GEM: variants seen among roughly 807,000 people sequenced by gnomAD.
GEM encodes GTP binding protein overexpressed in skeletal muscle.
GEM carries 31 observed loss-of-function variants against 33.0 expected under a neutral mutation model. That is an observed-to-expected ratio of 0.94 (90% CI 0.71 to 1.27). The LOEUF (loss-of-function observed/expected upper bound fraction) is 1.27. GEM is among the 50% of genes most tolerant of loss of function. GEM has a pLI of 0.00. For synonymous variants in GEM, 141 were observed against 143.7 expected (o/e 0.98, Z 0.13); for missense variants, 354 against 390.5 (o/e 0.91, Z 0.79).
Position 94,250,555 on chromosome 8 carries a change from T to C in GEM, c.646A>G (p.Lys216Glu). Reference protein sequence around the residue: ...GRACAVVFDCKFIETSAAVQH... With the variant: ...GRACAVVFDCEFIETSAAVQH... Reference sequence around the variant, plus strand: ...ACAGCTGCAGAGGTCTCGATGAACTTGCAGTCAAACACCACTGCACAGGCT... The same window carrying C: ...ACAGCTGCAGAGGTCTCGATGAACTCGCAGTCAAACACCACTGCACAGGCT... The change falls in exon 5 of 5, where the codon AAG becomes GAG. Residue 216 changes from lysine (K) to glutamate (E), a missense_variant. Physicochemically the swap from Lys to Glu is moderately conservative, Grantham distance 56. Coordinates refer to ENST00000297596, the MANE Select transcript of GEM (RefSeq NM_005261.4). 1 of 1,614,118 alleles carries C rather than the reference T, an allele frequency of 6.2e-7. No individual in the cohort carries two copies. The highest frequency in any genetic ancestry group is 8.5e-7 in the Non-Finnish European group (1 of 1,179,948).
Position 94,252,122 on chromosome 8 carries a change from C to A in GEM, c.510G>T (p.Glu170Asp). The A allele has an allele frequency of 6.2e-7, 1 of 1,613,852 alleles. No homozygotes were observed. The change falls in exon 4 of 5, where the codon GAG becomes GAT. Residue 170 changes from glutamate to aspartate, a missense_variant. Coordinates refer to ENST00000297596, the MANE Select transcript of GEM (RefSeq NM_005261.4). ...TDRASFEKAS[E>D]LRIQLRRARQ... ...GGGCCCTGCGGAGCTGGATTCGCAG[C>A]TCAGATGCCTTCTCGAAGCTCGCTC...
In GEM at chr8:94,253,057, G is replaced by T; in HGVS notation, c.387C>A (p.Leu129=). The T allele has an allele frequency of 6.3e-7, 1 of 1,589,552 alleles. No individual in the cohort carries two copies. Among genetic ancestry groups the T allele is most frequent in the South Asian group, 1.1e-5 (1 of 90,498 alleles). The stretch of plus-strand genomic sequence containing the variant: ...ATACCTTATTTTCCCACATATCCAG[G>T]AGTATAATCGTTGCACTTTCCCCAT... The part of the protein sequence containing the change: ...MVDGESATII[L]LDMWENKGEN... The change falls in exon 3 of 5, where the codon CTC becomes CTA. Residue 129 remains leucine (L), a synonymous_variant. Coordinates refer to ENST00000297596, the MANE Select transcript of GEM (RefSeq NM_005261.4).
Position 94,250,559 on chromosome 8 carries a change from G to A in GEM, c.642C>T (p.Asp214=), listed in dbSNP as rs1447464027. The change falls in exon 5 of 5, where the codon GAC becomes GAT. Residue 214 remains aspartate, a synonymous_variant. Transcript: ENST00000297596. ...SEGRACAVVF[D]CKFIETSAAV... is the part of the protein sequence containing the mutation. ...CTGCAGAGGTCTCGATGAACTTGCAGTCAAACACCACTGCACAGGCTCTCC... is the reference window on the plus strand; with the variant it reads ...CTGCAGAGGTCTCGATGAACTTGCAATCAAACACCACTGCACAGGCTCTCC... 3 of 1,613,970 alleles carry A rather than the reference G, an allele frequency of 1.9e-6. No individual in the cohort carries two copies. In the African/African-American group the frequency reaches 4.0e-5, roughly 22 times the overall value.
chr8:94,251,119 A>G (rs1808761633), intron 4 of GEM, among the ~76,000 whole-genome samples: 1 of 152,250 alleles, frequency 6.6e-6, no homozygotes, highest in Non-Finnish European at 1.5e-5. Flanking sequence ...AGAATTGGAA[A>G]TAAGAATTCT....
chr8:94,254,780 T>TA (rs1808851898), intron 2 of GEM, among the ~76,000 whole-genome samples: 1 of 152,128 alleles, frequency 6.6e-6, no homozygotes, highest in South Asian at 2.1e-4. Flanking sequence ...CTTGGACAAA[T>TA]AAGAAGAGAG....
chr8:94,255,369 G>A (rs16916666), intron 2 of GEM, among the ~76,000 whole-genome samples: 13,441 of 152,138 alleles, frequency 0.088, 706 homozygotes, highest in Middle Eastern at 0.21. Flanking sequence ...TCTTACCTTT[G>A]CCTGAAAATT....
chr8:94,261,588 C>A (rs908336896), intron 1 of GEM, among the ~76,000 whole-genome samples: 1 of 152,090 alleles, frequency 6.6e-6, no homozygotes, highest in Non-Finnish European at 1.5e-5. Context: ...GTCTCGAACT[C>A]CTGGGGTCAA....
intron 2 of GEM, among the ~76,000 whole-genome samples, chr8:94,257,683 A>C (rs1808923340): frequency 6.6e-6 from 1 of 152,216 alleles, no homozygotes; most frequent in South Asian, 2.1e-4. Context: ...AGAGTGCCTC[A>C]CCAAGCTCTG....
chr8:94,258,416 G>A (rs1322819847), intron 2 of GEM, among the ~76,000 whole-genome samples: 1 of 152,032 alleles, frequency 6.6e-6, no homozygotes, highest in African/African-American at 2.4e-5. Flanking sequence ...TCATTACTAG[G>A]GGGCATGGTA....
intron 2 of GEM, among the ~76,000 whole-genome samples, chr8:94,255,711 T>A (rs374432403): frequency 2.1e-4 from 32 of 152,286 alleles, no homozygotes; most frequent in African/African-American, 7.2e-4. Flanking sequence ...AGTAAAGGTG[T>A]GGAGAAAGGT....
At position 94,259,275 on chromosome 8, in the gene GEM, G is replaced by T. The variant is rs142392453; in HGVS notation, c.331+898C>A. On this transcript the variant is annotated intron_variant, in intron 2 of 4. Transcript: ENST00000297596. The stretch of plus-strand genomic sequence containing the variant: ...CAATGCAGGGGAGAACTGAGTCATC[G>T]CTAAGACACCTCCCTACTCTGTGAT... 4.0e-3 allele frequency among the ~76,000 whole-genome samples: 614 copies of T among 152,286 alleles called. 3 individuals are homozygous for T. The highest frequency in any genetic ancestry group is 7.0e-3 in the Non-Finnish European group (473 of 68,038).
Position 94,260,362 on chromosome 8 carries a change from C to T in GEM, c.142G>A (p.Ala48Thr), listed in dbSNP as rs1184282847. 1.2e-6 allele frequency: 2 copies of T among 1,614,062 alleles called. No homozygotes were observed. The highest frequency in any genetic ancestry group is 2.7e-5 in the African/African-American group (2 of 74,918). ...HQYSHRNRHS[A>T]TPEDHCRRSW... is the part of the protein sequence containing the mutation. ...CGGCGGCAGTGGTCCTCAGGGGTAG[C>T]AGAATGGCGGTTGCGGTGGCTGTAC... The change falls in exon 2 of 5, where the codon GCT becomes ACT. Residue 48 changes from alanine (A) to threonine (T), a missense_variant. Transcript: ENST00000297596.
At chr8:94,259,105 T>C (rs1808961019) in intron 2 of GEM, among the ~76,000 whole-genome samples, 1 of 152,148 alleles carries the variant, frequency 6.6e-6, no homozygotes. Context: ...GAGAAATCAA[T>C]GTTACAACAA....
In GEM at chr8:94,260,498, A is replaced by C; in HGVS notation, c.6T>G (p.Thr2=). 1 of 1,594,062 alleles carries C rather than the reference A, an allele frequency of 6.3e-7. No individual in the cohort carries two copies. The highest frequency in any genetic ancestry group is 2.3e-5 in the East Asian group (1 of 44,390). M[T]LNNVTMRQGT... The stretch of plus-strand genomic sequence containing the variant: ...CCTGGCGCATGGTGACATTATTCAG[A>C]GTCATCGTTGAGTCCTGGGGAGCAA... Residue 2 remains threonine, a synonymous_variant, in exon 2 of 5, where the codon ACT becomes ACG. Coordinates refer to ENST00000297596, the MANE Select transcript of GEM (RefSeq NM_005261.4).
At chr8:94,261,406 G>A (rs1809020323) in intron 1 of GEM, among the ~76,000 whole-genome samples, 1 of 152,188 alleles carries the variant, frequency 6.6e-6, no homozygotes, top group Non-Finnish European at 1.5e-5. Flanking sequence ...GAGTGCAGTG[G>A]CACGATCATA....
chr8:94,251,340 G>A (rs1808766021), intron 4 of GEM, among the ~76,000 whole-genome samples: 1 of 152,168 alleles, frequency 6.6e-6, no homozygotes, highest in South Asian at 2.1e-4. Flanking sequence ...AGACAGTTGT[G>A]TCCTAGTAGG....
intron 2 of GEM, among the ~76,000 whole-genome samples, chr8:94,255,895 C>G (rs1320895673): frequency 6.6e-6 from 1 of 152,104 alleles, no homozygotes; most frequent in Admixed American, 6.5e-5. Context: ...TGGTCAGTAG[C>G]CACTTTCTCT....
At chr8:94,260,751 G>A in intron 1 of GEM, 1 of 459,058 alleles carries the variant, frequency 2.2e-6, no homozygotes, top group Non-Finnish European at 3.9e-6. Flanking sequence ...CATTTGCATG[G>A]GAAAACAAAT....
intron 2 of GEM, among the ~76,000 whole-genome samples, chr8:94,256,426 C>T (rs962780961): frequency 2.0e-5 from 3 of 152,156 alleles, no homozygotes; most frequent in Non-Finnish European, 2.9e-5. Flanking sequence ...ATAATTTTTT[C>T]GTTAACACTC....
Sources: allele counts gnomAD v4.1 joint callset (sites outside exome capture counted in the v4.1 genomes callset), GRCh38; gene constraint gnomAD v4.1.1; transcripts MANE v1.5; gene names NCBI Gene and HGNC (gene_info 2026-07-23, HGNC 2026-07-21).